The following RANBP17 variants were observed in gnomAD, a reference collection of about 807,000 sequenced individuals.
RANBP17 encodes RAN binding protein 17.
A neutral mutation model predicts 141.2 loss-of-function variants in RANBP17; 158 were observed. That is an observed-to-expected ratio of 1.12 (90% CI 0.98 to 1.28). RANBP17 has a LOEUF of 1.28. Ranked by LOEUF, RANBP17 falls within the 50% of genes most tolerant of loss-of-function variation. RANBP17 has a pLI of 0.00. For missense variants in RANBP17, 1,438 were observed against 1,290.7 expected, an observed-to-expected ratio of 1.11 and a Z score of -1.75; for synonymous variants, 430 against 450.0, an observed-to-expected ratio of 0.96 and a Z score of 0.56.
rs774753172 is a variant in RANBP17, at chr5:171,183,345, C to T, written c.1953C>T (p.Gly651=). The change falls in exon 18 of 28, where the codon GGC becomes GGT. Residue 651 remains glycine (G), a synonymous_variant. Coordinates refer to ENST00000523189, the MANE Select transcript of RANBP17 (RefSeq NM_022897.5). The stretch of plus-strand genomic sequence containing the variant: ...AGAGTGAACACTTCCCTTTTCTTGG[C>T]ATCAGTGACAATCATAGTCTCAGCG... ...NHTSEHFPFL[G]ISDNHSLSDF... 19 of 1,613,790 alleles carry T rather than the reference C, an allele frequency of 1.2e-5. No individual in the cohort carries two copies. Among genetic ancestry groups the T allele is most frequent in the East Asian group, 6.7e-5 (3 of 44,864 alleles).
At chr5:171,035,648 A>G (rs76095397) in intron 14 of RANBP17, among the ~76,000 whole-genome samples, 15,702 of 148,410 alleles carry the variant, frequency 0.11, 2,320 homozygotes, top group African/African-American at 0.33. Flanking sequence ...TTATAAGCTG[A>G]TAGGTGCTAA....
intron 14 of RANBP17, among the ~76,000 whole-genome samples, chr5:171,111,524 G>GCT (rs1404845424): frequency 1.3e-5 from 2 of 151,976 alleles, no homozygotes; most frequent in South Asian, 2.1e-4. Flanking sequence ...AGCTGTTAGT[G>GCT]CAGTCTCTCT....
chr5:170,892,237 C>T (rs369617444), intron 3 of RANBP17, 150 bp from the exon 4 acceptor site: 12 of 597,284 alleles, frequency 2.0e-5, no homozygotes, highest in African/African-American at 9.5e-5. Context: ...CCTATCAACC[C>T]GTCATCTAGG....
chr5:170,933,729 T>A (rs1294538939), intron 12 of RANBP17, among the ~76,000 whole-genome samples: 1 of 152,104 alleles, frequency 6.6e-6, no homozygotes, highest in Admixed American at 6.5e-5. Context: ...CGGTTTTGAG[T>A]GAGTTTCTTA....
Position 170,922,698 on chromosome 5 carries a change from G to A in RANBP17, c.1275-1659G>A, listed in dbSNP as rs1280550627. On this transcript the variant is annotated intron_variant, in intron 11 of 27. Transcript: ENST00000523189. ...AAAAGCACAGCATTTGGTCAGAAGT[G>A]TACTGTTTCTGCAGATACAGTCTGT... Among the ~76,000 whole-genome samples the A allele has an allele frequency of 7.9e-5, 12 of 152,182 alleles. 1 individual carries two copies. In the South Asian group the frequency reaches 1.9e-3, roughly 24 times the overall value.
chr5:171,216,002 T>C (rs897400957), intron 21 of RANBP17, among the ~76,000 whole-genome samples: 1 of 152,184 alleles, frequency 6.6e-6, no homozygotes, highest in Non-Finnish European at 1.5e-5. Context: ...CTGAATGGTA[T>C]TGCCTAGGTT....
chr5:171,118,504 A>C (rs1017549250), intron 14 of RANBP17, among the ~76,000 whole-genome samples: 7 of 152,046 alleles, frequency 4.6e-5, no homozygotes, highest in African/African-American at 1.7e-4. Flanking sequence ...CAGTTTTACA[A>C]TATTAAGTCT....
chr5:171,064,253 GTCAC>G (rs1405030061), intron 14 of RANBP17, among the ~76,000 whole-genome samples: 2 of 152,200 alleles, frequency 1.3e-5, no homozygotes, highest in Non-Finnish European at 2.9e-5. Context: ...CGTCTTCTGC[GTCAC>G]TCACGCTGGG....
intron 14 of RANBP17, among the ~76,000 whole-genome samples, chr5:170,996,143 T>C (rs957397507): frequency 6.6e-6 from 1 of 152,186 alleles, no homozygotes; most frequent in Admixed American, 6.5e-5. Flanking sequence ...GGAAAAATGA[T>C]AATCTTTCTA....
intron 14 of RANBP17, among the ~76,000 whole-genome samples, chr5:171,098,650 C>CA (rs1229565964): frequency 6.6e-6 from 1 of 152,106 alleles, no homozygotes; most frequent in Non-Finnish European, 1.5e-5. Flanking sequence ...AATTAAATCC[C>CA]ATTTGTCAAT....
chr5:170,894,464 T>C (rs1289194854), intron 4 of RANBP17, among the ~76,000 whole-genome samples: 1 of 129,648 alleles, frequency 7.7e-6, no homozygotes, highest in Non-Finnish European at 1.6e-5. Context: ...AGTATCACCA[T>C]AGAATAGTTA....
intron 14 of RANBP17, among the ~76,000 whole-genome samples, chr5:171,048,749 G>A (rs980362820): frequency 6.6e-6 from 1 of 152,112 alleles, no homozygotes; most frequent in Non-Finnish European, 1.5e-5. Flanking sequence ...TTCTGTTCCT[G>A]TGTTAGTTTG....
At chr5:171,031,766 T>C (rs1045616750) in intron 14 of RANBP17, among the ~76,000 whole-genome samples, 3 of 151,964 alleles carry the variant, frequency 2.0e-5, no homozygotes, top group Admixed American at 6.6e-5. Flanking sequence ...TAGGAAGAAA[T>C]ATTCCACCTA....
chr5:170,876,983 A>T (rs914031966), intron 1 of RANBP17, among the ~76,000 whole-genome samples: 2 of 152,072 alleles, frequency 1.3e-5, no homozygotes, highest in African/African-American at 4.8e-5. Context: ...TTTTCAGAAG[A>T]CCTCTTTAAC....
chr5:171,251,976 A>G (rs369437822), intron 24 of RANBP17: 2 of 1,609,512 alleles, frequency 1.2e-6, no homozygotes, highest in African/African-American at 2.7e-5. Context: ...CAGTTCTTCA[A>G]GCACTTTATT....
chr5:171,064,295 G>A (rs913428514), intron 14 of RANBP17, among the ~76,000 whole-genome samples: 8 of 152,292 alleles, frequency 5.3e-5, no homozygotes, highest in South Asian at 2.1e-4. Context: ...GTTCCTATTC[G>A]GCCATCTTGG....
chr5:171,059,770 A>T, intron 14 of RANBP17, among the ~76,000 whole-genome samples: 1 of 117,078 alleles, frequency 8.5e-6, no homozygotes, highest in East Asian at 2.6e-4. Flanking sequence ...GGCCATTTTC[A>T]CGATATTGAT....
At chr5:170,943,422 G>A (rs768881261) in intron 12 of RANBP17, among the ~76,000 whole-genome samples, 4 of 152,112 alleles carry the variant, frequency 2.6e-5, no homozygotes, top group Non-Finnish European at 4.4e-5. Context: ...ATTAACAGTA[G>A]TTAACGTTTA....
chr5:170,924,332 CT>C, intron 11 of RANBP17, 24 bp from the exon 12 acceptor site: 1 of 1,495,780 alleles, frequency 6.7e-7, no homozygotes, highest in Non-Finnish European at 9.2e-7. Flanking sequence ...CTAATGTTGT[CT>C]GCAAACTTAT....
Sources: allele counts gnomAD v4.1 joint callset (sites outside exome capture counted in the v4.1 genomes callset), GRCh38; gene constraint gnomAD v4.1.1; transcripts MANE v1.5; gene names NCBI Gene and HGNC (gene_info 2026-07-23, HGNC 2026-07-21).